PHKB: variants seen among roughly 807,000 people sequenced by gnomAD.
The protein encoded by PHKB is phosphorylase kinase regulatory subunit beta, also known as phosphorylase b kinase regulatory subunit beta.
PHKB carries 122 observed loss-of-function variants against 152.1 expected under a neutral mutation model. That is an observed-to-expected ratio of 0.80 (90% CI 0.69 to 0.93). The LOEUF (loss-of-function observed/expected upper bound fraction) is 0.93. PHKB is among the 40% of genes least tolerant of loss of function. PHKB has a pLI of 0.00. For missense variants in PHKB, 1,304 were observed against 1,328.4 expected (o/e 0.98, Z 0.29); for synonymous variants, 436 against 464.9 (o/e 0.94, Z 0.80).
Position 47,530,992 on chromosome 16 carries a change from A to G in PHKB, c.594+15391A>G, listed in dbSNP as rs1169287348. Among the ~76,000 whole-genome samples, 13 of 152,184 alleles carry G rather than the reference A, an allele frequency of 8.5e-5. No individual in the cohort carries two copies. The East Asian group carries it at 2.5e-3, about 29-fold the overall frequency. ...AGAAGAATAAACTGTAAAATACACA[A>G]GGTGATTTTGGAGAAGGAAAAATAT... On this transcript the variant is annotated intron_variant, in intron 6 of 30. Transcript: ENST00000323584.
intron 18 of PHKB, among the ~76,000 whole-genome samples, chr16:47,649,808 A>G (rs1449485922): frequency 6.6e-6 from 1 of 152,244 alleles, no homozygotes; most frequent in Non-Finnish European, 1.5e-5. Flanking sequence ...GATTAAAAGA[A>G]TTAATATATG....
At chr16:47,465,107 C>A (rs1364567981) in intron 1 of PHKB, among the ~76,000 whole-genome samples, 26 of 152,178 alleles carry the variant, frequency 1.7e-4, no homozygotes, top group Admixed American at 1.6e-3. Flanking sequence ...AACAAAAACT[C>A]TTTAAGGAAC....
chr16:47,645,090 T>A (rs1309121283), intron 16 of PHKB, among the ~76,000 whole-genome samples: 1 of 152,176 alleles, frequency 6.6e-6, no homozygotes, highest in Non-Finnish European at 1.5e-5. Flanking sequence ...AAAGTTTGAG[T>A]TCATTGTAGA....
chr16:47,652,297 G>T (rs1023497897), intron 20 of PHKB, among the ~76,000 whole-genome samples: 3 of 151,290 alleles, frequency 2.0e-5, no homozygotes, highest in African/African-American at 7.3e-5. Context: ...GAGATTTGGG[G>T]TGTGAGCGGT....
rs145329328 is a variant in PHKB at position 47,666,677 on chromosome 16, C to T, written c.2427+1702C>T. Among the ~76,000 whole-genome samples the T allele has an allele frequency of 3.3e-5, 5 of 152,358 alleles. No homozygotes were observed. The East Asian group carries it at 9.7e-4, about 29-fold the overall frequency. On this transcript the variant is annotated intron_variant, in intron 25 of 30. Coordinates refer to ENST00000323584, the MANE Select transcript of PHKB (RefSeq NM_000293.3). ...CACCTCATGGTAGGCTGTGAACCCC[C>T]AGGGGTCAGAGTCTGGGTCTTGTCC...
chr16:47,567,262 C>A (rs886784853), intron 7 of PHKB, among the ~76,000 whole-genome samples: 5 of 151,716 alleles, frequency 3.3e-5, no homozygotes, highest in Non-Finnish European at 7.4e-5. Flanking sequence ...TCTTTGATTT[C>A]TTTCGTCACT....
chr16:47,552,488 G>T lies in PHKB; in HGVS notation c.710+4940G>T, dbSNP rs142046938. Among the ~76,000 whole-genome samples, 1,511 of 152,218 alleles carry T rather than the reference G, an allele frequency of 9.9e-3. 15 individuals carry two copies. The highest frequency in any genetic ancestry group is 0.013 in the Non-Finnish European group (895 of 68,020). On this transcript the variant is annotated intron_variant, in intron 7 of 30. Transcript: ENST00000323584. ...TTGCTTATGAAGCTTAGTTTGGCTG[G>T]ATATGAAATTCTGGGTTTAAAATTC...
intron 13 of PHKB, among the ~76,000 whole-genome samples, chr16:47,602,967 C>G (rs905297302): frequency 2.0e-5 from 3 of 152,170 alleles, no homozygotes; most frequent in African/African-American, 7.2e-5. Flanking sequence ...CCTAATTATT[C>G]TGACAAACCA....
intron 26 of PHKB, among the ~76,000 whole-genome samples, chr16:47,682,553 A>T (rs1267609035): frequency 6.6e-6 from 1 of 152,160 alleles, no homozygotes; most frequent in African/African-American, 2.4e-5. Context: ...AGTTGATCGC[A>T]TCGGCTCCTG....
chr16:47,610,319 C>G (rs1386931552), intron 13 of PHKB, among the ~76,000 whole-genome samples: 3 of 151,866 alleles, frequency 2.0e-5, no homozygotes, highest in South Asian at 2.1e-4. Context: ...ATCTCATCCA[C>G]TGTCTTAAGG....
In PHKB at chr16:47,596,498, G is replaced by A; in HGVS notation, c.1330G>A (p.Gly444Arg). The change falls in exon 13 of 31, where the codon GGA (glycine) becomes AGA (arginine). Residue 444 changes from glycine to arginine, a missense_variant. Coordinates refer to ENST00000323584, the MANE Select transcript of PHKB (RefSeq NM_000293.3). ...CGRDGKLFLWGQALYIIAKLL... is the reference protein window; with the variant it reads ...CGRDGKLFLWRQALYIIAKLL... ...CCGTGATGGAAAACTGTTTCTTTGG[G>A]GACAAGCACTTTATATCATCGCAAA... The A allele has an allele frequency of 1.2e-6, 2 of 1,613,880 alleles. No homozygotes were observed. The highest frequency in any genetic ancestry group is 1.3e-5 in the African/African-American group (1 of 75,000).
Position 47,660,739 on chromosome 16 carries a change from C to T in PHKB, c.2116C>T (p.Pro706Ser), listed in dbSNP as rs1240745537. 1 of 1,613,816 alleles carries T rather than the reference C, an allele frequency of 6.2e-7. No homozygotes were observed. Among genetic ancestry groups the T allele is most frequent in the East Asian group, 2.2e-5 (1 of 44,874 alleles). The change falls in exon 22 of 31, where the codon CCT becomes TCT. Residue 706 changes from proline (P) to serine (S), a missense_variant. Coordinates refer to ENST00000323584, the MANE Select transcript of PHKB (RefSeq NM_000293.3). ...VKRQSSTPSA[P>S]ELGQQPDVNI... is the part of the protein sequence containing the mutation. ...ACGGCAAAGCAGCACCCCTAGTGCT[C>T]CTGAACTGGGACAGCAGCCGGATGT...
At chr16:47,612,399 G>C (rs1358893393) in intron 14 of PHKB, among the ~76,000 whole-genome samples, 1 of 152,200 alleles carries the variant, frequency 6.6e-6, no homozygotes, top group Non-Finnish European at 1.5e-5. Flanking sequence ...TTAAACAGTT[G>C]TTTCATGCTT....
At chr16:47,631,694 G>A (rs1320943386) in intron 14 of PHKB, among the ~76,000 whole-genome samples, 2 of 152,040 alleles carry the variant, frequency 1.3e-5, no homozygotes, top group Non-Finnish European at 2.9e-5. Flanking sequence ...TGTTCTCATT[G>A]TTCAACTCCC....
intron 7 of PHKB, among the ~76,000 whole-genome samples, chr16:47,568,947 T>A (rs1340992843): frequency 6.6e-6 from 1 of 152,218 alleles, no homozygotes; most frequent in East Asian, 1.9e-4. Context: ...TGTTATATGG[T>A]CTATCTTGGA....
intron 1 of PHKB, among the ~76,000 whole-genome samples, chr16:47,465,063 A>G (rs1969644327): frequency 6.6e-6 from 1 of 152,244 alleles, no homozygotes; most frequent in Non-Finnish European, 1.5e-5. Flanking sequence ...GAAAATAAAT[A>G]AGAAATAACT....
chr16:47,582,971 A>G (rs1971874226), intron 8 of PHKB, among the ~76,000 whole-genome samples: 1 of 151,960 alleles, frequency 6.6e-6, no homozygotes, highest in African/African-American at 2.4e-5. Flanking sequence ...TAATTTTTGG[A>G]TTTTTAATAG....
At chr16:47,480,865 A>G (rs931903917) in intron 1 of PHKB, among the ~76,000 whole-genome samples, 22 of 152,338 alleles carry the variant, frequency 1.4e-4, no homozygotes, top group African/African-American at 4.8e-4. Flanking sequence ...TACACTTAGA[A>G]TAGACATGAA....
intron 6 of PHKB, among the ~76,000 whole-genome samples, chr16:47,522,996 CTA>C (rs1008634999): frequency 6.2e-5 from 8 of 128,700 alleles, no homozygotes; most frequent in African/African-American, 1.2e-4. Context: ...ATTTCTGTCT[CTA>C]TTGATTTTGT....
Sources: gnomAD v4.1 joint callset for allele counts (sites outside exome capture counted in the v4.1 genomes callset) on GRCh38, gnomAD v4.1.1 for gene constraint, MANE v1.5 for transcripts, NCBI Gene and HGNC (gene_info 2026-07-23, HGNC 2026-07-21) for gene names.